Variants in ATXN8OS observed in about 807,000 individuals in gnomAD.
ATXN8OS encodes the protein ATXN8 opposite strand lncRNA, also known as ATXN8 opposite strand (non-protein coding).
intron 4 of ATXN8OS, among the ~76,000 whole-genome samples, chr13:70,166,601 A>G (rs11619213): frequency 0.32 from 48,742 of 151,972 alleles, 8,176 homozygotes; most frequent in African/African-American, 0.37. Flanking sequence ...GGACATAGGC[A>G]TGGGCAAGGA....
chr13:70,155,797 C>CAAA (rs34051772), intron 4 of ATXN8OS, among the ~76,000 whole-genome samples: 21 of 137,528 alleles, frequency 1.5e-4, no homozygotes, highest in African/African-American at 2.1e-4. Flanking sequence ...AAAACTGAGA[C>CAAA]AAAAAAAAAA....
At chr13:70,131,260 TC>T in intron 3 of ATXN8OS, 1 of 398,446 alleles carries the variant, frequency 2.5e-6, no homozygotes. Flanking sequence ...TCTCTTCATT[TC>T]CAACACTCCT....
intron 4 of ATXN8OS, among the ~76,000 whole-genome samples, chr13:70,154,885 T>G (rs373278034): frequency 6.6e-6 from 1 of 152,210 alleles, no homozygotes; most frequent in Non-Finnish European, 1.5e-5. Flanking sequence ...GATAAGCCGG[T>G]GCCCAGGCAA....
rs1488303963 is a variant in ATXN8OS, at chr13:70,146,104, G to A, written n.500-1251G>A. On this transcript the variant is annotated intron_variant and non_coding_transcript_variant, in intron 3 of 4. Coordinates refer to ENST00000678624, the Ensembl canonical transcript of ATXN8OS. ...CAACCCCATCAAAAAGTGGGCAAAG[G>A]ATATGAACAGACACTTCTCAAAAGA... Among the ~76,000 whole-genome samples, 3 of 145,980 alleles carry A rather than the reference G, an allele frequency of 2.1e-5. No homozygotes were observed. In the East Asian group the frequency reaches 6.2e-4, roughly 30 times the overall value.
At chr13:70,145,473 C>T (rs919419581) in intron 3 of ATXN8OS, among the ~76,000 whole-genome samples, 1 of 151,820 alleles carries the variant, frequency 6.6e-6, no homozygotes, top group Non-Finnish European at 1.5e-5. Context: ...TTGATTCTTC[C>T]TACCCATGAG....
At chr13:70,170,584 C>G (rs547296676) in exon 5 of ATXN8OS, among the ~76,000 whole-genome samples, 6 of 152,178 alleles carry the variant, frequency 3.9e-5, no homozygotes, top group Admixed American at 2.0e-4. Flanking sequence ...CTAACCATCT[C>G]AAGGGAAAAC....
At position 70,127,372 on chromosome 13, in the gene ATXN8OS, ATGT is replaced by A. The variant is rs569991562; in HGVS notation, n.399-2407_399-2405del. On this transcript the variant is annotated intron_variant and non_coding_transcript_variant, in intron 2 of 4. Coordinates refer to ENST00000678624, the Ensembl canonical transcript of ATXN8OS. ...TATGAAGATTTCTAAGCATAATAAA[ATGT>A]TGTTATCCTTGAGAATTAGATATCA... 4.5e-3 allele frequency among the ~76,000 whole-genome samples: 683 copies of A among 152,182 alleles called. 2 individuals carry two copies. The highest frequency in any genetic ancestry group is 6.0e-3 in the Non-Finnish European group (407 of 67,942).
intron 3 of ATXN8OS, among the ~76,000 whole-genome samples, chr13:70,142,415 C>T (rs923775782): frequency 6.6e-6 from 1 of 152,098 alleles, no homozygotes; most frequent in African/African-American, 2.4e-5. Context: ...CTTTTTATAA[C>T]GCTGAATACA....
intron 4 of ATXN8OS, among the ~76,000 whole-genome samples, chr13:70,160,621 T>C (rs1888996270): frequency 6.7e-6 from 1 of 149,798 alleles, no homozygotes; most frequent in African/African-American, 2.4e-5. Context: ...AATTGGTAAG[T>C]ATCATAATAA....
intron 3 of ATXN8OS, among the ~76,000 whole-genome samples, chr13:70,144,149 C>A (rs1315421187): frequency 6.6e-6 from 1 of 151,916 alleles, no homozygotes; most frequent in African/African-American, 2.4e-5. Flanking sequence ...TCTTATTGCC[C>A]AGAAATATTT....
chr13:70,170,030 CTG>C (rs1458525838), exon 5 of ATXN8OS, among the ~76,000 whole-genome samples: 3 of 152,134 alleles, frequency 2.0e-5, no homozygotes, highest in African/African-American at 7.2e-5. Flanking sequence ...TTGGCTAAAA[CTG>C]TGGTTGTGAA....
intron 4 of ATXN8OS, among the ~76,000 whole-genome samples, chr13:70,163,098 C>T (rs1593778586): frequency 6.6e-6 from 1 of 151,860 alleles, no homozygotes; most frequent in Non-Finnish European, 1.5e-5. Flanking sequence ...CTAGTGCTAT[C>T]AATAATTATA....
At chr13:70,169,541 G>T (rs909584203) in intron 4 of ATXN8OS, among the ~76,000 whole-genome samples, 1 of 151,968 alleles carries the variant, frequency 6.6e-6, no homozygotes, top group Non-Finnish European at 1.5e-5. Flanking sequence ...TGATCCACCC[G>T]CTCGGCCTCC....
chr13:70,149,600 A>T (rs1016718347), intron 4 of ATXN8OS, among the ~76,000 whole-genome samples: 1 of 152,168 alleles, frequency 6.6e-6, no homozygotes, highest in African/African-American at 2.4e-5. Flanking sequence ...TCATAACTAT[A>T]GACTAGCAGT....
At chr13:70,169,817 G>A (rs1374702976) in exon 5 of ATXN8OS, among the ~76,000 whole-genome samples, 2 of 152,050 alleles carry the variant, frequency 1.3e-5, no homozygotes, top group Non-Finnish European at 2.9e-5. Context: ...GCTGGCTAAT[G>A]TGAGAAGATT....
chr13:70,167,036 G>A (rs1275984958), intron 4 of ATXN8OS, among the ~76,000 whole-genome samples: 12 of 151,900 alleles, frequency 7.9e-5, no homozygotes, highest in Non-Finnish European at 1.8e-4. Context: ...GAGAGGTTGT[G>A]GAGAAATAGG....
chr13:70,107,672 C>T (rs753112360), upstream of ATXN8OS: 50 of 1,534,300 alleles, frequency 3.3e-5, no homozygotes, highest in African/African-American at 5.5e-5. Context: ...TGCTTCACAT[C>T]GAAGTCTTTT....
At chr13:70,138,702 A>G (rs1188762295) in intron 3 of ATXN8OS, among the ~76,000 whole-genome samples, 2 of 152,146 alleles carry the variant, frequency 1.3e-5, no homozygotes, top group African/African-American at 4.8e-5. Flanking sequence ...AGGGAACATA[A>G]CTAAATACCA....
chr13:70,171,250 T>C (rs987040897), exon 5 of ATXN8OS, among the ~76,000 whole-genome samples: 7 of 152,150 alleles, frequency 4.6e-5, no homozygotes, highest in African/African-American at 1.7e-4. Flanking sequence ...GGAAGCCAGA[T>C]GGGCACAAGA....
Sources: gnomAD v4.1 joint callset for allele counts (sites outside exome capture counted in the v4.1 genomes callset) on GRCh38, gnomAD v4.1.1 for gene constraint, MANE v1.5 for transcripts, NCBI Gene and HGNC (gene_info 2026-07-23, HGNC 2026-07-21) for gene names.